The following NUBPL variants were observed in gnomAD, a reference collection of about 807,000 sequenced individuals.
NUBPL encodes the protein iron-sulfur cluster transfer protein NUBPL.
A neutral mutation model predicts 45.7 loss-of-function variants in NUBPL; 31 were observed. That is an observed-to-expected ratio of 0.68 (90% CI 0.51 to 0.92). NUBPL has a LOEUF of 0.92. Among genes scored for constraint, NUBPL ranks in the 40% least tolerant of loss-of-function variants. NUBPL has a pLI of 0.00. For synonymous variants in NUBPL, 144 were observed against 140.9 expected (o/e 1.02, Z -0.15); for missense variants, 401 against 398.7 (o/e 1.01, Z -0.05).
At chr14:31,787,001 GAGAA>G (rs1163328417) in intron 6 of NUBPL, among the ~76,000 whole-genome samples, 2 of 152,206 alleles carry the variant, frequency 1.3e-5, no homozygotes, top group African/African-American at 4.8e-5. Flanking sequence ...CTTGGCAGTG[GAGAA>G]AGAGAGAAGT....
intron 7 of NUBPL, among the ~76,000 whole-genome samples, chr14:31,809,708 T>C (rs1457204483): frequency 6.6e-6 from 1 of 152,232 alleles, no homozygotes; most frequent in Non-Finnish European, 1.5e-5. Context: ...ATCGTGATGT[T>C]AGGGTGTCAA....
intron 10 of NUBPL, among the ~76,000 whole-genome samples, chr14:31,856,934 TCTGGAGGATGGTGA>T (rs1216402008): frequency 4.6e-5 from 7 of 152,212 alleles, no homozygotes; most frequent in Admixed American, 4.6e-4. Context: ...CATTGTGGGG[TCTGGAGGATGGTGA>T]CTGTCTTCTC....
intron 6 of NUBPL, among the ~76,000 whole-genome samples, chr14:31,773,780 C>T (rs142103961): frequency 4.6e-5 from 7 of 152,252 alleles, no homozygotes; most frequent in African/African-American, 1.7e-4. Flanking sequence ...ATAGAAGTAG[C>T]AACAGGTATA....
chr14:31,590,229 C>T (rs1175957433), intron 3 of NUBPL, among the ~76,000 whole-genome samples: 1 of 152,130 alleles, frequency 6.6e-6, no homozygotes, highest in Admixed American at 6.5e-5. Context: ...CAACCTCTGC[C>T]TCCCAGGTTC....
intron 7 of NUBPL, 137 bp downstream of exon 7, chr14:31,788,010 A>G (rs1251935427): frequency 1.7e-5 from 11 of 641,172 alleles, no homozygotes; most frequent in Non-Finnish European, 3.1e-5. Flanking sequence ...ATTAGAGATC[A>G]GAAGCATAAA....
At chr14:31,743,340 T>G (rs185821487) in intron 6 of NUBPL, among the ~76,000 whole-genome samples, 7 of 152,266 alleles carry the variant, frequency 4.6e-5, no homozygotes, top group Admixed American at 1.3e-4. Flanking sequence ...CCATTACAAA[T>G]TTATGGTATT....
chr14:31,561,858 C>A, intron 1 of NUBPL: 1 of 610,750 alleles, frequency 1.6e-6, no homozygotes, highest in Non-Finnish European at 2.8e-6. Flanking sequence ...TTTAAACGTT[C>A]AGCGTATCCT....
At chr14:31,577,118 G>A (rs1249486987) in intron 3 of NUBPL, among the ~76,000 whole-genome samples, 1 of 152,170 alleles carries the variant, frequency 6.6e-6, no homozygotes, top group Non-Finnish European at 1.5e-5. Context: ...TTTGATGGGA[G>A]GGGTATCAAA....
At chr14:31,734,555 A>C (rs2038123437) in intron 6 of NUBPL, among the ~76,000 whole-genome samples, 1 of 152,196 alleles carries the variant, frequency 6.6e-6, no homozygotes, top group Non-Finnish European at 1.5e-5. Flanking sequence ...GTTTATTGTT[A>C]AATTTAAGAC....
chr14:31,565,341 G>A (rs1247703368), intron 3 of NUBPL, among the ~76,000 whole-genome samples: 1 of 152,122 alleles, frequency 6.6e-6, no homozygotes, highest in Non-Finnish European at 1.5e-5. Flanking sequence ...TCTGGGTTCA[G>A]TTTTTAAGTG....
chr14:31,751,439 A>G (rs1166185807), intron 6 of NUBPL, among the ~76,000 whole-genome samples: 2 of 152,260 alleles, frequency 1.3e-5, no homozygotes, highest in Non-Finnish European at 2.9e-5. Flanking sequence ...GACCAAAACA[A>G]TGGGGCCACA....
rs546021332 is a variant in NUBPL at position 31,730,289 on chromosome 14, A to G, written c.513+56715A>G. Among the ~76,000 whole-genome samples the G allele has an allele frequency of 2.6e-5, 4 of 152,204 alleles. No homozygotes were observed. The East Asian group carries it at 7.7e-4, about 29-fold the overall frequency. On this transcript the variant is annotated intron_variant, in intron 6 of 10. Coordinates refer to ENST00000281081, the MANE Select transcript of NUBPL (RefSeq NM_025152.3). ...TAAGTTCTGCCTTCATATGCTTCAC[A>G]AGACTGAGGGGTGTAAGTCAAAATC...
intron 7 of NUBPL, among the ~76,000 whole-genome samples, chr14:31,816,636 AG>A (rs747180284): frequency 6.6e-6 from 1 of 152,090 alleles, no homozygotes; most frequent in Non-Finnish European, 1.5e-5. Flanking sequence ...TGTCGATTTT[AG>A]ATCTTTCCTG....
At chr14:31,705,942 G>A (rs2037440873) in intron 6 of NUBPL, among the ~76,000 whole-genome samples, 1 of 152,184 alleles carries the variant, frequency 6.6e-6, no homozygotes, top group East Asian at 1.9e-4. Context: ...GCCTGCGAGT[G>A]CTGCACGAAG....
chr14:31,655,023 T>G (rs555061149), intron 4 of NUBPL, among the ~76,000 whole-genome samples: 22 of 152,350 alleles, frequency 1.4e-4, no homozygotes, highest in Middle Eastern at 3.4e-3. Context: ...ACCATGAGAT[T>G]GCAGCAATTA....
chr14:31,771,788 C>T lies in NUBPL; in HGVS notation c.514-15992C>T, dbSNP rs538080068. The stretch of plus-strand genomic sequence containing the variant: ...TTAATTTCCTTGTGCTCTCCTTTAC[C>T]TATTACCCCACTTCTTCCATTTACC... On this transcript the variant is annotated intron_variant, in intron 6 of 10. Coordinates refer to ENST00000281081, the MANE Select transcript of NUBPL (RefSeq NM_025152.3). 5.2e-5 allele frequency: 38 copies of T among 729,112 alleles called. 2 individuals are homozygous for T. The South Asian group carries it at 2.0e-3, about 39-fold the overall frequency. 45.2% of individuals were successfully genotyped at this position (729,112 alleles called of 1,614,324 possible).
intron 3 of NUBPL, among the ~76,000 whole-genome samples, chr14:31,576,125 G>T (rs2033710659): frequency 6.7e-6 from 1 of 149,372 alleles, no homozygotes; most frequent in Non-Finnish European, 1.5e-5. Flanking sequence ...ATTTTGTCGT[G>T]AATATTTGAT....
chr14:31,788,709 T>G (rs1316852747), intron 7 of NUBPL, among the ~76,000 whole-genome samples: 1 of 152,162 alleles, frequency 6.6e-6, no homozygotes, highest in Non-Finnish European at 1.5e-5. Context: ...CTGGGCATCT[T>G]AAGGGGTATT....
chr14:31,707,414 T>G (rs973046457), intron 6 of NUBPL, among the ~76,000 whole-genome samples: 6 of 152,222 alleles, frequency 3.9e-5, no homozygotes, highest in Non-Finnish European at 8.8e-5. Flanking sequence ...TCTCTTTGAC[T>G]TCTCCTTTGT....
Sources: gnomAD v4.1 joint callset for allele counts (sites outside exome capture counted in the v4.1 genomes callset) on GRCh38, gnomAD v4.1.1 for gene constraint, MANE v1.5 for transcripts, NCBI Gene and HGNC (gene_info 2026-07-23, HGNC 2026-07-21) for gene names.